CDAN1: variants seen among roughly 807,000 people sequenced by gnomAD.
CDAN1 encodes the protein codanin 1, also known as codanin-1.
Under a neutral mutation model 139.8 loss-of-function variants are expected in CDAN1, and 107 were observed. The observed-to-expected ratio is 0.77, with a 90% CI of 0.65 to 0.90. CDAN1 has a LOEUF of 0.90. Among genes scored for constraint, CDAN1 ranks in the 40% least tolerant of loss-of-function variants. The probability of loss-of-function intolerance (pLI) is 0.00; values close to 1 mark genes in which losing one functional copy is unlikely to be tolerated. For missense variants in CDAN1, 1,667 were observed against 1,575.7 expected (o/e 1.06, Z -0.98); for synonymous variants, 776 against 660.6 (o/e 1.17, Z -2.68).
rs778622745 is a variant in CDAN1, at chr15:42,726,439, A to G, written c.3097-22T>C. On this transcript the variant is annotated intron_variant, in intron 23 of 27. Coordinates refer to ENST00000356231, the MANE Select transcript of CDAN1 (RefSeq NM_138477.4). ...CGTCCTGTGAAGAGCAGGGGGAGAT[A>G]TCACCTTGCGCTGGGGGCCAGGATG... 3.9e-6 allele frequency: 6 copies of G among 1,539,202 alleles called. No homozygotes were observed. In the South Asian group the frequency reaches 5.9e-5, roughly 15 times the overall value.
At chr15:42,736,898 G>C in intron 1 of CDAN1, 115 bp downstream of exon 1, 1 of 1,465,142 alleles carries the variant, frequency 6.8e-7, no homozygotes. Context: ...CGCCCAGTTG[G>C]AGTGCACTCG....
At position 42,727,603 on chromosome 15, in the gene CDAN1, A is replaced by G. The variant is rs2061546746; in HGVS notation, c.3096+18T>C. The G allele has an allele frequency of 6.5e-7, 1 of 1,538,330 alleles. No homozygotes were observed. Among genetic ancestry groups the G allele is most frequent in the Non-Finnish European group, 8.8e-7 (1 of 1,137,858 alleles). ...GGGTGGGAGCAGGGAAGCCAAAGGG[A>G]GTAGGGTAGCCGTGTACTTTTATCT... On this transcript the variant is annotated intron_variant, in intron 23 of 27. Coordinates refer to ENST00000356231, the MANE Select transcript of CDAN1 (RefSeq NM_138477.4).
chr15:42,731,797 CCCCCA>C lies in CDAN1; in HGVS notation c.1557_1561del (p.Gly520HisfsTer16). The stretch of plus-strand genomic sequence containing the variant: ...ATCTGGGGCCTCGCCCAAGACGGTG[CCCCCA>C]GCACCACCAGGGCTCTGACACATCT... On this transcript the variant is annotated frameshift_variant, in exon 11 of 28. Transcript: ENST00000356231. LOFTEE classifies it high-confidence loss of function. The C allele has an allele frequency of 1.2e-6, 2 of 1,613,968 alleles. No homozygotes were observed. The highest frequency in any genetic ancestry group is 1.7e-6 in the Non-Finnish European group (2 of 1,179,916).
intron 23 of CDAN1, 25 bp downstream of exon 23, chr15:42,727,596 C>T: frequency 6.6e-7 from 1 of 1,519,872 alleles, no homozygotes; most frequent in Non-Finnish European, 8.9e-7. Flanking sequence ...GCAGGGAAGC[C>T]AAAGGGAGTA....
Position 42,737,125 on chromosome 15 carries a change from G to A in CDAN1, c.-23C>T. On this transcript the variant is annotated 5_prime_UTR_variant, in exon 1 of 28. Coordinates refer to ENST00000356231, the MANE Select transcript of CDAN1 (RefSeq NM_138477.4). The stretch of plus-strand genomic sequence containing the variant: ...CATCCCGGTCGGGGCGCTCTGGGGC[G>A]ACTGCGCAGGCGCCGGCGCGCCGCG... 1 of 1,445,220 alleles carries A rather than the reference G, an allele frequency of 6.9e-7. No individual in the cohort carries two copies. The highest frequency in any genetic ancestry group is 9.2e-7 in the Non-Finnish European group (1 of 1,092,146). The allele number at this position is 1,445,220 out of a possible 1,614,324, so 89.5% of individuals were successfully genotyped here. A position where few individuals can be genotyped will look rare whatever the true frequency, so the allele number is the denominator to read the frequency against.
intron 22 of CDAN1, 55 bp from the exon 23 acceptor site, chr15:42,727,824 C>T: frequency 6.2e-7 from 1 of 1,611,546 alleles, no homozygotes; most frequent in Non-Finnish European, 8.5e-7. Context: ...TGCACAGGTT[C>T]ACCATGCTAA....
chr15:42,729,638 TG>T lies in CDAN1; in HGVS notation c.2353-17del, dbSNP rs568570071. ...GCGCATTGTCCTGGGGAGAAAAGGT[TG>T]GTGTCAGCAGACTGCCCCTCCCCCA... On this transcript the variant is annotated splice_polypyrimidine_tract_variant and intron_variant, in intron 16 of 27. Transcript: ENST00000356231. The T allele has an allele frequency of 2.1e-5, 34 of 1,613,832 alleles. No homozygotes were observed. The East Asian group carries it at 4.5e-4, about 21-fold the overall frequency.
rs560030704 is a variant in CDAN1 at position 42,736,757 on chromosome 15, C to T, written c.114G>A (p.Ala38=). ...TCCGCAGGGCCCGGAGTGAGCTCAG[C>T]GCGGCCGCCTCCCCAGCGTTATCCT... The part of the protein sequence containing the change: ...GSEDNAGEAA[A]LSSLRALRKE... Residue 38 remains alanine, a synonymous_variant, in exon 2 of 28, where the codon GCG becomes GCA. Coordinates refer to ENST00000356231, the MANE Select transcript of CDAN1 (RefSeq NM_138477.4). The T allele has an allele frequency of 4.4e-5, 69 of 1,551,610 alleles. No homozygotes were observed. In the East Asian group the frequency reaches 1.4e-3, roughly 32 times the overall value.
Position 42,727,645 on chromosome 15 carries a change from G to A in CDAN1, c.3072C>T (p.Pro1024=), listed in dbSNP as rs943832022. The A allele has an allele frequency of 1.9e-6, 3 of 1,582,460 alleles. No homozygotes were observed. The highest frequency in any genetic ancestry group is 2.6e-6 in the Non-Finnish European group (3 of 1,161,486). Residue 1024 remains proline, a synonymous_variant, in exon 23 of 28, where the codon CCC becomes CCT. Coordinates refer to ENST00000356231, the MANE Select transcript of CDAN1 (RefSeq NM_138477.4). The part of the protein sequence containing the change: ...SRACEHHAPL[P]SHLISEIKDV... Reference sequence around the variant, plus strand: ...CTTTTATCTCGGAGATGAGGTGGGAGGGGAGGGGAGCATGGTGCTCACAGG... The same window carrying A: ...CTTTTATCTCGGAGATGAGGTGGGAAGGGAGGGGAGCATGGTGCTCACAGG...
At position 42,730,619 on chromosome 15, in the gene CDAN1, G is replaced by T; in HGVS notation, c.2153C>A (p.Thr718Asn). 1 of 1,614,240 alleles carries T rather than the reference G, an allele frequency of 6.2e-7. No homozygotes were observed. The highest frequency in any genetic ancestry group is 8.5e-7 in the Non-Finnish European group (1 of 1,180,046). Reference protein sequence around the residue: ...PLLEYYRDIFTLLLRLHRSLV... With the variant: ...PLLEYYRDIFNLLLRLHRSLV... ...TCACCGGTGCAGGCGCAGCAGGAGA[G>T]TGAAGATGTCCCGGTAATATTCCAG... Residue 718 changes from threonine (T) to asparagine (N), a missense_variant, in exon 14 of 28, where the codon ACT becomes AAT. Transcript: ENST00000356231.
chr15:42,724,736 A>G, intron 27 of CDAN1, 120 bp from the exon 28 acceptor site: 1 of 1,192,126 alleles, frequency 8.4e-7, no homozygotes, highest in Non-Finnish European at 1.2e-6. Context: ...TGCCCTCCAC[A>G]CTGAAATGGA....
At chr15:42,728,138 C>G in intron 21 of CDAN1, 66 bp downstream of exon 21, 1 of 1,597,148 alleles carries the variant, frequency 6.3e-7, no homozygotes, top group Non-Finnish European at 8.6e-7. Context: ...CCCGCAGCCT[C>G]AGACTACTCC....
chr15:42,726,032 C>CT, intron 25 of CDAN1, 65 bp downstream of exon 25: 1 of 1,010,708 alleles, frequency 9.9e-7, no homozygotes, highest in South Asian at 1.3e-5. Context: ...TCTAATCTTG[C>CT]TTGTACCCAA....
rs1438854617 is a variant in CDAN1 at position 42,736,772 on chromosome 15, A to G, written c.99T>C (p.Ala33=). The G allele has an allele frequency of 5.8e-6, 9 of 1,543,696 alleles. No homozygotes were observed. Among genetic ancestry groups the G allele is most frequent in the Non-Finnish European group, 7.8e-6 (9 of 1,151,190 alleles). ...ARSTQGSEDN[A]GEAAALSSLR... The stretch of plus-strand genomic sequence containing the variant: ...GTGAGCTCAGCGCGGCCGCCTCCCC[A>G]GCGTTATCCTAGGGCAGAAGCACAG... Residue 33 remains alanine (A), a synonymous_variant, in exon 2 of 28, where the codon GCT becomes GCC. Transcript: ENST00000356231.
Position 42,724,460 on chromosome 15 carries a change from G to A in CDAN1, c.*31C>T. 1 of 1,569,112 alleles carries A rather than the reference G, an allele frequency of 6.4e-7. No homozygotes were observed. Among genetic ancestry groups the A allele is most frequent in the Non-Finnish European group, 8.6e-7 (1 of 1,156,508 alleles). On this transcript the variant is annotated 3_prime_UTR_variant, in exon 28 of 28. Coordinates refer to ENST00000356231, the MANE Select transcript of CDAN1 (RefSeq NM_138477.4). ...TGAGGCGGGGGTCCAGGGTTCTGGT[G>A]CAATGCCCAAGGCAGGGCCACTTCT... is the stretch of plus-strand genomic sequence containing the variant.
At chr15:42,729,466 CT>C in intron 17 of CDAN1, 101 bp downstream of exon 17, 1 of 1,599,942 alleles carries the variant, frequency 6.3e-7, no homozygotes, top group Non-Finnish European at 8.6e-7. Context: ...CCAGGAATGA[CT>C]ATGAACGGAG....
intron 17 of CDAN1, 75 bp from the exon 18 acceptor site, chr15:42,729,437 A>T: frequency 6.2e-7 from 1 of 1,605,056 alleles, no homozygotes; most frequent in Non-Finnish European, 8.5e-7. Flanking sequence ...TTACTTGTGG[A>T]GTCAAGAGGC....
intron 14 of CDAN1, 103 bp from the exon 15 acceptor site, chr15:42,730,318 G>T (rs1408913225): frequency 8.8e-7 from 1 of 1,133,308 alleles, no homozygotes; most frequent in Non-Finnish European, 1.3e-6. Flanking sequence ...AACTAAAAGG[G>T]ACTGGGGCCA....
Position 42,724,229 on chromosome 15 carries a change from A to AGAGAT in CDAN1, c.*257_*261dup, listed in dbSNP as rs1461511054. 3.8e-5 allele frequency: 18 copies of AGAGAT among 479,970 alleles called. No individual in the cohort carries two copies. Among genetic ancestry groups the AGAGAT allele is most frequent in the Non-Finnish European group, 6.9e-5 (18 of 259,614 alleles). The allele number at this position is 479,970 out of a possible 1,614,324, so 29.7% of individuals were successfully genotyped here. On this transcript the variant is annotated 3_prime_UTR_variant, in exon 28 of 28. Transcript: ENST00000356231. ...CACACCTCATTTCATTTAGTATCCA[A>AGAGAT]GAGATAAACAAACACCACCTCTTCT...
Sources: allele counts gnomAD v4.1 joint callset, GRCh38; gene constraint gnomAD v4.1.1; transcripts MANE v1.5; gene names NCBI Gene and HGNC (gene_info 2026-07-23, HGNC 2026-07-21).